Variants in KIF2C observed in about 807,000 individuals in gnomAD.
KIF2C encodes the protein kinesin-like protein KIF2C.
A neutral mutation model predicts 97.4 loss-of-function variants in KIF2C; 34 were observed. The ratio of observed to expected loss-of-function variants is 0.35; its 90% CI spans 0.27 to 0.46. KIF2C has a LOEUF of 0.46. Among genes scored for constraint, KIF2C ranks in the 20% least tolerant of loss-of-function variants. The pLI is 1.00. For synonymous variants in KIF2C, 313 were observed against 318.2 expected, an observed-to-expected ratio of 0.98 and a Z score of 0.17; for missense variants, 750 against 907.6, an observed-to-expected ratio of 0.83 and a Z score of 2.23.
chr1:44,745,662 G>T (rs1649156840), intron 2 of KIF2C, among the ~76,000 whole-genome samples: 1 of 151,064 alleles, frequency 6.6e-6, no homozygotes, highest in East Asian at 1.9e-4. Context: ...TAGAGACGGG[G>T]TTTTTCCATG....
At position 44,760,359 on chromosome 1, in the gene KIF2C, A is replaced by C; in HGVS notation, c.1447A>C (p.Arg483=). Residue 483 remains arginine, a synonymous_variant, in exon 15 of 21, where the codon AGA becomes CGA. Coordinates refer to ENST00000372224, the MANE Select transcript of KIF2C (RefSeq NM_006845.4). The surrounding 1 kb of genome is among the most constrained non-coding windows in gnomAD (Gnocchi z 4.2). The part of the protein sequence containing the change: ...CFQIILRAKG[R]MHGKFSLVDL... The stretch of plus-strand genomic sequence containing the variant: ...CCAAATTATTCTTCGAGCTAAAGGG[A>C]GAATGCATGGCAAGTTCTCTTTGGT... 2 of 1,614,202 alleles carry C rather than the reference A, an allele frequency of 1.2e-6. No individual in the cohort carries two copies. Among genetic ancestry groups the C allele is most frequent in the Non-Finnish European group, 1.7e-6 (2 of 1,180,046 alleles).
chr1:44,740,130 C>A, intron 1 of KIF2C, 128 bp downstream of exon 1: 2 of 1,095,482 alleles, frequency 1.8e-6, no homozygotes, highest in Admixed American at 3.4e-5. Flanking sequence ...CACACGCACT[C>A]ACTCCGGGTC....
chr1:44,760,325 C>T lies in KIF2C; in HGVS notation c.1413C>T (p.His471=), dbSNP rs759148988. The stretch of plus-strand genomic sequence containing the variant: ...CCAACTCCAATTCCTCCCGCTCCCA[C>T]GCGTGCTTCCAAATTATTCTTCGAG... ...TFANSNSSRS[H]ACFQIILRAK... The change falls in exon 15 of 21, where the codon CAC becomes CAT. Residue 471 remains histidine (H), a synonymous_variant. Transcript: ENST00000372224. This position sits in a 1 kb window ranked among gnomAD's most constrained non-coding sequence, Gnocchi z 4.2. The T allele has an allele frequency of 2.3e-5, 37 of 1,614,060 alleles. No homozygotes were observed. The highest frequency in any genetic ancestry group is 1.6e-4 in the Middle Eastern group (1 of 6,084).
At chr1:44,748,318 TG>T (rs1335040434) in intron 4 of KIF2C, among the ~76,000 whole-genome samples, 2 of 152,142 alleles carry the variant, frequency 1.3e-5, no homozygotes, top group East Asian at 3.8e-4. Context: ...GGGTCATCAT[TG>T]CCCTGAAATG....
chr1:44,742,719 A>C (rs1325803624), intron 2 of KIF2C, among the ~76,000 whole-genome samples: 1 of 59,240 alleles, frequency 1.7e-5, no homozygotes, highest in African/African-American at 4.1e-5. Flanking sequence ...ACTTCGTCTC[A>C]AAAAAAAAAA....
rs2148838833 is a variant in KIF2C, at chr1:44,767,664, C to T, written c.*485C>T. On this transcript the variant is annotated 3_prime_UTR_variant, in exon 21 of 21. Transcript: ENST00000372224. ...AGACCTCTTTCTACTTTACTGTCTC[C>T]CTAGAGATCCTAGAGGATCCCTACT... The T allele has an allele frequency of 6.2e-6, 1 of 161,134 alleles. No individual in the cohort carries two copies. The highest frequency in any genetic ancestry group is 2.4e-5 in the African/African-American group (1 of 41,626). The allele number at this position is 161,134 out of a possible 1,614,324, so 10.0% of individuals were successfully genotyped here.
Position 44,757,541 on chromosome 1 carries a change from C to G in KIF2C, c.978-15C>G. The G allele has an allele frequency of 6.4e-7, 1 of 1,553,204 alleles. No individual in the cohort carries two copies. The highest frequency in any genetic ancestry group is 8.9e-7 in the Non-Finnish European group (1 of 1,124,548). The stretch of plus-strand genomic sequence containing the variant: ...CAGTTTGGGAACAGATACAAATACT[C>G]TACCCCTCTTCTAGGTTCACAGCAA... On this transcript the variant is annotated splice_polypyrimidine_tract_variant and intron_variant, in intron 10 of 20. Transcript: ENST00000372224.
chr1:44,753,126 C>T lies in KIF2C; in HGVS notation c.440-6C>T. The T allele has an allele frequency of 6.2e-7, 1 of 1,609,732 alleles. No individual in the cohort carries two copies. The highest frequency in any genetic ancestry group is 8.5e-7 in the Non-Finnish European group (1 of 1,177,512). ...TGCTTCTCCAGTGACTCTTGTTCCC[C>T]TACAGCTGCCCCCACTAGGCCTTCC... On this transcript the variant is annotated splice_region_variant and splice_polypyrimidine_tract_variant and intron_variant, in intron 5 of 20. Coordinates refer to ENST00000372224, the MANE Select transcript of KIF2C (RefSeq NM_006845.4).
In KIF2C at chr1:44,767,196, T is replaced by G; in HGVS notation, c.*17T>G. The G allele has an allele frequency of 6.2e-7, 1 of 1,612,222 alleles. No individual in the cohort carries two copies. The highest frequency in any genetic ancestry group is 1.1e-5 in the South Asian group (1 of 90,986). ...CCCCAGTGACGACTGCAAATAAAAATCTGTTTGGTTTGACACCCAGCCTCT... is the reference window on the plus strand; with the variant it reads ...CCCCAGTGACGACTGCAAATAAAAAGCTGTTTGGTTTGACACCCAGCCTCT... On this transcript the variant is annotated 3_prime_UTR_variant, in exon 21 of 21. Coordinates refer to ENST00000372224, the MANE Select transcript of KIF2C (RefSeq NM_006845.4).
At chr1:44,745,977 C>T (rs1327008083) in intron 2 of KIF2C, among the ~76,000 whole-genome samples, 3 of 151,984 alleles carry the variant, frequency 2.0e-5, no homozygotes, top group South Asian at 2.1e-4. Flanking sequence ...CCTGGGTTCA[C>T]GCCATTCTCC....
chr1:44,757,972 G>A lies in KIF2C; in HGVS notation c.1132+1G>A, dbSNP rs748814391. The A allele has an allele frequency of 5.6e-6, 9 of 1,614,076 alleles. No homozygotes were observed. Among genetic ancestry groups the A allele is most frequent in the East Asian group, 2.2e-5 (1 of 44,908 alleles). ...TCCAAAGGGATCTATGCCATGGCCT[G>A]TAAGTACTGTGTACTGCTGCTTCAG... On this transcript the variant is annotated splice_donor_variant, in intron 12 of 20. Coordinates refer to ENST00000372224, the MANE Select transcript of KIF2C (RefSeq NM_006845.4). LOFTEE classifies it high-confidence loss of function.
At chr1:44,762,874 G>A (rs1650241799) in intron 19 of KIF2C, among the ~76,000 whole-genome samples, 1 of 152,190 alleles carries the variant, frequency 6.6e-6, no homozygotes, top group Non-Finnish European at 1.5e-5. Flanking sequence ...TAGGCTTTCT[G>A]ACATCACACT....
rs536960418 is a variant in KIF2C at position 44,762,051 on chromosome 1, G to A, written c.1751+68G>A. 7 of 1,431,092 alleles carry A rather than the reference G, an allele frequency of 4.9e-6. No individual in the cohort carries two copies. In the African/African-American group the frequency reaches 7.0e-5, roughly 14 times the overall value. The allele number at this position is 1,431,092 out of a possible 1,614,324, so 88.6% of individuals were successfully genotyped here. The stretch of plus-strand genomic sequence containing the variant: ...GCAAGGGAAGGGCAGTGATGAGAGG[G>A]GAGGAGGCTCTGGGGCCTCAGGGCC... On this transcript the variant is annotated intron_variant, in intron 17 of 20. Transcript: ENST00000372224.
rs374544320 is a variant in KIF2C, at chr1:44,739,870, G to A, written c.-63G>A. On this transcript the variant is annotated 5_prime_UTR_variant, in exon 1 of 21. Coordinates refer to ENST00000372224, the MANE Select transcript of KIF2C (RefSeq NM_006845.4). The stretch of plus-strand genomic sequence containing the variant: ...GCGGTTTACGCGGCGTTAAGACTTC[G>A]TAGGGTTAGCGAAATTGAGGTTTCT... The A allele has an allele frequency of 2.0e-6, 3 of 1,481,338 alleles. No individual in the cohort carries two copies. Among genetic ancestry groups the A allele is most frequent in the South Asian group, 1.1e-5 (1 of 88,406 alleles). 91.8% of individuals were successfully genotyped at this position (1,481,338 alleles called of 1,614,324 possible).
intron 13 of KIF2C, 45 bp downstream of exon 13, chr1:44,758,185 C>G: frequency 6.4e-7 from 1 of 1,558,702 alleles, no homozygotes; most frequent in East Asian, 2.2e-5. Flanking sequence ...GGGCCCAGCA[C>G]TTTTTAAAAC....
At chr1:44,753,053 C>T in intron 5 of KIF2C, 79 bp from the exon 6 acceptor site, 1 of 1,531,894 alleles carries the variant, frequency 6.5e-7, no homozygotes, top group Non-Finnish European at 8.8e-7. Context: ...TCTCCCGGCC[C>T]ATAACCAGGG....
chr1:44,746,859 AGAAAT>A (rs1649223764), intron 2 of KIF2C: 1 of 1,178,776 alleles, frequency 8.5e-7, no homozygotes. Context: ...CCCTGTCTAT[AGAAAT>A]TTAATTTTTT....
chr1:44,756,339 C>G, intron 10 of KIF2C, 102 bp downstream of exon 10: 1 of 1,192,728 alleles, frequency 8.4e-7, no homozygotes, highest in South Asian at 1.4e-5. Flanking sequence ...AATTCTGAGG[C>G]TCTTCCTCGC....
At chr1:44,746,348 A>G (rs1649196269) in intron 2 of KIF2C, 1 of 1,030,850 alleles carries the variant, frequency 9.7e-7, no homozygotes, top group Non-Finnish European at 1.2e-6. Context: ...CTGATGATGT[A>G]AACTTAGAAT....
Sources: allele counts gnomAD v4.1 joint callset (sites outside exome capture counted in the v4.1 genomes callset), GRCh38; gene constraint gnomAD v4.1.1; non-coding constraint Gnocchi (gnomAD v3.1); transcripts MANE v1.5; gene names NCBI Gene and HGNC (gene_info 2026-07-23, HGNC 2026-07-21).